Variants in WWC2 observed in about 807,000 individuals in gnomAD.
The protein encoded by WWC2 is protein WWC2.
In WWC2, 101 loss-of-function variants were observed where a neutral mutation model predicts 138.5. The observed-to-expected ratio is 0.73, with a 90% confidence interval of 0.62 to 0.86. The LOEUF is 0.86. WWC2 is among the 40% of genes least tolerant of loss of function. The probability of loss-of-function intolerance (pLI) is 0.00; values close to 1 mark genes in which losing one functional copy is unlikely to be tolerated. For synonymous variants in WWC2, 558 were observed against 538.4 expected (o/e 1.04, Z -0.50); for missense variants, 1,420 against 1,419.4 (o/e 1.00, Z -0.01).
At chr4:183,245,248 A>G (rs11946527) in intron 5 of WWC2, among the ~76,000 whole-genome samples, 168 bp from the exon 6 acceptor site, 6,462 of 145,770 alleles carry the variant, frequency 0.044, 539 homozygotes, top group African/African-American at 0.17. Flanking sequence ...AAAAAAAAAA[A>G]AGAGAGAGAA....
intron 1 of WWC2, among the ~76,000 whole-genome samples, chr4:183,153,218 T>A (rs1049611879): frequency 8.5e-5 from 13 of 152,332 alleles, no homozygotes; most frequent in African/African-American, 3.1e-4. Flanking sequence ...TATGTTTTTA[T>A]GTTTGGGACT....
chr4:183,189,914 C>T (rs1734944102), intron 1 of WWC2, among the ~76,000 whole-genome samples: 1 of 151,900 alleles, frequency 6.6e-6, no homozygotes, highest in South Asian at 2.1e-4. Flanking sequence ...CATCTCATGT[C>T]GTAGGACATG....
intron 1 of WWC2, among the ~76,000 whole-genome samples, chr4:183,141,491 T>G (rs1733297810): frequency 6.6e-6 from 1 of 152,156 alleles, no homozygotes; most frequent in Non-Finnish European, 1.5e-5. Flanking sequence ...GGACCATAAT[T>G]CAGCCCACAG....
intron 16 of WWC2, among the ~76,000 whole-genome samples, chr4:183,276,706 T>A (rs1737866975): frequency 6.6e-6 from 1 of 152,110 alleles, no homozygotes; most frequent in Non-Finnish European, 1.5e-5. Context: ...TTTTATTTCC[T>A]TCTGCATTAT....
At chr4:183,126,895 ATTTTTT>A (rs11412789) in intron 1 of WWC2, among the ~76,000 whole-genome samples, 2 of 134,306 alleles carry the variant, frequency 1.5e-5, no homozygotes, top group African/African-American at 2.8e-5. Flanking sequence ...TGCCCAGCTA[ATTTTTT>A]TTTTTTTTTT....
intron 1 of WWC2, among the ~76,000 whole-genome samples, chr4:183,183,037 G>C (rs1366268417): frequency 6.6e-6 from 1 of 152,188 alleles, no homozygotes; most frequent in Non-Finnish European, 1.5e-5. Context: ...AAGAAGGCAG[G>C]GTCCCTGCCT....
intron 1 of WWC2, among the ~76,000 whole-genome samples, chr4:183,137,304 C>T (rs563053370): frequency 5.3e-5 from 8 of 152,252 alleles, no homozygotes; most frequent in African/African-American, 1.9e-4. Flanking sequence ...AAAACACACA[C>T]ACATTGTACA....
chr4:183,139,983 C>G lies in WWC2; in HGVS notation c.131+40361C>G, dbSNP rs140839648. Among the ~76,000 whole-genome samples, 14 of 152,092 alleles carry G rather than the reference C, an allele frequency of 9.2e-5. No homozygotes were observed. The East Asian group carries it at 2.7e-3, about 30-fold the overall frequency. On this transcript the variant is annotated intron_variant, in intron 1 of 22. Coordinates refer to ENST00000403733, the MANE Select transcript of WWC2 (RefSeq NM_024949.6). ...GCACACCTCGACGCCCGGCCAATTT[C>G]GTATTTTTAGTAGAGACAGGGTTTC... is the stretch of plus-strand genomic sequence containing the variant.
intron 1 of WWC2, among the ~76,000 whole-genome samples, chr4:183,105,182 A>G (rs1479146163): frequency 2.6e-5 from 4 of 152,294 alleles, no homozygotes; most frequent in East Asian, 1.9e-4. Context: ...GTGCTGGCAT[A>G]CTATTATCTT....
intron 12 of WWC2, 130 bp from the exon 13 acceptor site, chr4:183,265,558 A>G: frequency 1.1e-6 from 1 of 928,250 alleles, no homozygotes; most frequent in Non-Finnish European, 1.7e-6. Context: ...CGCTGGGATC[A>G]GTTCCACTGG....
At chr4:183,125,371 A>G (rs1381207225) in intron 1 of WWC2, among the ~76,000 whole-genome samples, 1 of 152,204 alleles carries the variant, frequency 6.6e-6, no homozygotes, top group Non-Finnish European at 1.5e-5. Flanking sequence ...TATAGCTTAT[A>G]GTTATTGTAA....
chr4:183,314,459 A>G (rs932702506), intron 22 of WWC2, among the ~76,000 whole-genome samples: 1 of 152,314 alleles, frequency 6.6e-6, no homozygotes, highest in South Asian at 2.1e-4. Flanking sequence ...CCAGGGTGAG[A>G]CAGAACATGC....
At chr4:183,239,676 G>A (rs958135406) in intron 4 of WWC2, among the ~76,000 whole-genome samples, 9 of 152,288 alleles carry the variant, frequency 5.9e-5, no homozygotes, top group Admixed American at 4.6e-4. Context: ...ACAGAGCCGT[G>A]GCAGGGGCAG....
intron 1 of WWC2, among the ~76,000 whole-genome samples, chr4:183,142,936 G>T (rs987365575): frequency 2.0e-5 from 3 of 152,146 alleles, no homozygotes; most frequent in Admixed American, 1.3e-4. Context: ...TTCCCAGAAT[G>T]AGCAATATGA....
chr4:183,253,661 T>G (rs1737045568), intron 8 of WWC2, 96 bp from the exon 9 acceptor site: 2 of 1,458,618 alleles, frequency 1.4e-6, no homozygotes, highest in Non-Finnish European at 1.8e-6. Flanking sequence ...TAGGAAAATC[T>G]GGACAGCATG....
chr4:183,206,590 G>A (rs1458377660), intron 2 of WWC2, among the ~76,000 whole-genome samples: 2 of 152,202 alleles, frequency 1.3e-5, no homozygotes, highest in Non-Finnish European at 2.9e-5. Context: ...TAATTTCGAT[G>A]GGTGAAAGAA....
At chr4:183,279,183 G>A (rs1377841786) in intron 16 of WWC2, among the ~76,000 whole-genome samples, 1 of 152,082 alleles carries the variant, frequency 6.6e-6, no homozygotes, top group Non-Finnish European at 1.5e-5. Flanking sequence ...TTTTTAGCAT[G>A]AAGGGTTGTT....
intron 1 of WWC2, among the ~76,000 whole-genome samples, chr4:183,108,089 A>G (rs1732100862): frequency 6.6e-6 from 1 of 152,152 alleles, no homozygotes; most frequent in South Asian, 2.1e-4. Flanking sequence ...GTAATGAATC[A>G]TATGTGCAAT....
Position 183,261,067 on chromosome 4 carries a change from T to C in WWC2, c.1444T>C (p.Tyr482His), listed in dbSNP as rs772276871. 1.9e-6 allele frequency: 3 copies of C among 1,614,042 alleles called. No homozygotes were observed. The South Asian group carries it at 3.3e-5, about 18-fold the overall frequency. Residue 482 changes from tyrosine (Y) to histidine (H), a missense_variant, in exon 11 of 23, where the codon TAT becomes CAT. Coordinates refer to ENST00000403733, the MANE Select transcript of WWC2 (RefSeq NM_024949.6). ...TCAAAGTGATCAGATAGATGTGGAT[T>C]ATCAGTATAAACTGGACTTCCTTCT... The part of the protein sequence containing the change: ...SSQSDQIDVD[Y>H]QYKLDFLLQE...
Sources: allele counts gnomAD v4.1 joint callset (sites outside exome capture counted in the v4.1 genomes callset), GRCh38; gene constraint gnomAD v4.1.1; transcripts MANE v1.5; gene names NCBI Gene and HGNC (gene_info 2026-07-23, HGNC 2026-07-21).